MPHOSPH8: variants seen among roughly 807,000 people sequenced by gnomAD.
MPHOSPH8 encodes the protein M-phase phosphoprotein 8.
A neutral mutation model predicts 87.3 loss-of-function variants in MPHOSPH8; 45 were observed. The ratio of observed to expected loss-of-function variants is 0.52; its 90% confidence interval spans 0.41 to 0.66. MPHOSPH8 has a LOEUF of 0.66. MPHOSPH8 is among the 30% of genes least tolerant of loss of function. The pLI, the probability that MPHOSPH8 is intolerant of heterozygous loss-of-function variation, is 0.00. For missense variants in MPHOSPH8, 883 were observed against 1,020.2 expected (o/e 0.87, Z 1.83); for synonymous variants, 366 against 376.9 (o/e 0.97, Z 0.33).
chr13:19,634,033 A>C (rs1445841324), intron 1 of MPHOSPH8, 72 bp downstream of exon 1: 3 of 1,488,620 alleles, frequency 2.0e-6, no homozygotes, highest in Non-Finnish European at 2.8e-6. Flanking sequence ...CGAGCTGGAA[A>C]CAGCACGGGC....
intron 1 of MPHOSPH8, among the ~76,000 whole-genome samples, chr13:19,634,924 C>T (rs1873911594): frequency 6.6e-6 from 1 of 152,108 alleles, no homozygotes; most frequent in Non-Finnish European, 1.5e-5. Flanking sequence ...CAATTTTTTG[C>T]GCATTCATTC....
At chr13:19,668,653 T>C (rs893203543) in intron 11 of MPHOSPH8, 122 bp downstream of exon 11, 1 of 1,136,448 alleles carries the variant, frequency 8.8e-7, no homozygotes, top group African/African-American at 1.6e-5. Context: ...GTAATAATTC[T>C]GCAGACCGGT....
chr13:19,639,267 G>T (rs1483357995), intron 1 of MPHOSPH8, among the ~76,000 whole-genome samples: 1 of 151,598 alleles, frequency 6.6e-6, no homozygotes, highest in Non-Finnish European at 1.5e-5. Context: ...TGAGCAGGAG[G>T]ATTCTACAGT....
intron 4 of MPHOSPH8, 89 bp downstream of exon 4, chr13:19,648,610 A>C: frequency 1.8e-6 from 1 of 549,772 alleles, no homozygotes; most frequent in Non-Finnish European, 2.7e-6. Context: ...AAAAATTTAT[A>C]TAATTTTTTT....
chr13:19,659,568 G>A, intron 7 of MPHOSPH8: 1 of 385,762 alleles, frequency 2.6e-6, no homozygotes, highest in Non-Finnish European at 4.9e-6. Flanking sequence ...GGTGGCTGAG[G>A]TGACAGGATC....
Position 19,644,977 on chromosome 13 carries a change from T to A in MPHOSPH8, c.370-1466T>A, listed in dbSNP as rs530696708. Among the ~76,000 whole-genome samples the A allele has an allele frequency of 2.7e-4, 40 of 147,044 alleles. No homozygotes were observed. In the East Asian group the frequency reaches 3.5e-3, roughly 13 times the overall value. On this transcript the variant is annotated intron_variant, in intron 2 of 13. Coordinates refer to ENST00000361479, the MANE Select transcript of MPHOSPH8 (RefSeq NM_017520.4). ...GTCAACCTGGCTAATTAAAAAAAAA[T>A]TTTTTTTTAGATCTTTTGTTTCTGT...
In MPHOSPH8 at chr13:19,668,415, T is replaced by C. The variant is rs766418052; in HGVS notation, c.2213T>C (p.Phe738Ser). 1.9e-6 allele frequency: 3 copies of C among 1,614,048 alleles called. No individual in the cohort carries two copies. Among genetic ancestry groups the C allele is most frequent in the East Asian group, 4.5e-5 (2 of 44,892 alleles). The change falls in exon 11 of 14, where the codon TTT becomes TCT. Residue 738 changes from phenylalanine (F) to serine (S), a missense_variant. Transcript: ENST00000361479. The stretch of plus-strand genomic sequence containing the variant: ...GCAGAAGAGACAATAAAGGATTACT[T>C]TGAAGCTCGCCTTGCTCTGCTAGAA... ...RVAEETIKDY[F>S]EARLALLEPV...
chr13:19,653,567 G>C (rs1349135230), intron 5 of MPHOSPH8, among the ~76,000 whole-genome samples: 1 of 152,172 alleles, frequency 6.6e-6, no homozygotes, highest in Non-Finnish European at 1.5e-5. Context: ...TGAGTTTGAC[G>C]AATTGACAGA....
intron 7 of MPHOSPH8, 141 bp from the exon 8 acceptor site, chr13:19,661,557 A>G (rs1875528579): frequency 2.4e-6 from 2 of 820,160 alleles, no homozygotes; most frequent in Admixed American, 2.8e-5. Context: ...TGGTTGGGAT[A>G]TTTTAGTGAA....
chr13:19,659,869 T>A (rs949769658), intron 7 of MPHOSPH8, among the ~76,000 whole-genome samples: 9 of 152,116 alleles, frequency 5.9e-5, no homozygotes, highest in African/African-American at 2.2e-4. Flanking sequence ...CTGTGGTCAT[T>A]TGTGTTTCTT....
chr13:19,662,000 G>A (rs929539315), intron 8 of MPHOSPH8, among the ~76,000 whole-genome samples, 162 bp downstream of exon 8: 1 of 151,372 alleles, frequency 6.6e-6, no homozygotes, highest in African/African-American at 2.4e-5. Context: ...GGAGTGCAGT[G>A]GCACGATCTC....
At position 19,672,799 on chromosome 13, in the gene MPHOSPH8, G is replaced by A. The variant is rs1188723949; in HGVS notation, c.*924G>A. ...AGTACACTATGAGACCTAAAAGAGAGTATTAAATGTGAACTTTTAGCAGAG... is the reference window on the plus strand; with the variant it reads ...AGTACACTATGAGACCTAAAAGAGAATATTAAATGTGAACTTTTAGCAGAG... On this transcript the variant is annotated 3_prime_UTR_variant, in exon 14 of 14. Coordinates refer to ENST00000361479, the MANE Select transcript of MPHOSPH8 (RefSeq NM_017520.4). 3.7e-6 allele frequency: 1 copy of A among 273,238 alleles called. No individual in the cohort carries two copies. The highest frequency in any genetic ancestry group is 7.3e-6 in the Non-Finnish European group (1 of 137,240). 16.9% of individuals were successfully genotyped at this position (273,238 alleles called of 1,614,324 possible).
intron 2 of MPHOSPH8, among the ~76,000 whole-genome samples, 164 bp downstream of exon 2, chr13:19,642,434 G>T (rs1874347350): frequency 6.6e-6 from 1 of 152,062 alleles, no homozygotes. Flanking sequence ...AGTGATTTTT[G>T]CTGGGTTCTT....
intron 11 of MPHOSPH8, among the ~76,000 whole-genome samples, chr13:19,669,446 C>T (rs1875996183): frequency 6.6e-6 from 1 of 152,050 alleles, no homozygotes; most frequent in Non-Finnish European, 1.5e-5. Context: ...ACCTGAGCCC[C>T]CACTGACACC....
chr13:19,655,054 C>G (rs1350582759), intron 5 of MPHOSPH8, among the ~76,000 whole-genome samples: 1 of 152,140 alleles, frequency 6.6e-6, no homozygotes, highest in African/African-American at 2.4e-5. Flanking sequence ...TAAAAAAAAT[C>G]TCATGATCAC....
Position 19,646,670 on chromosome 13 carries a change from A to C in MPHOSPH8, c.597A>C (p.Thr199=). The stretch of plus-strand genomic sequence containing the variant: ...AAAGTTTAGTTTTTGATTTAAGGAC[A>C]AAGAAAAGAATTTCTGAAGCCAAAG... ...SLESLVFDLR[T]KKRISEAKEE... Residue 199 remains threonine, a synonymous_variant, in exon 3 of 14, where the codon ACA becomes ACC. Coordinates refer to ENST00000361479, the MANE Select transcript of MPHOSPH8 (RefSeq NM_017520.4). The C allele has an allele frequency of 6.3e-7, 1 of 1,595,038 alleles. No homozygotes were observed. The highest frequency in any genetic ancestry group is 8.5e-7 in the Non-Finnish European group (1 of 1,175,788).
rs549564980 is a variant in MPHOSPH8 at position 19,656,942 on chromosome 13, T to C, written c.1577-2053T>C. Among the ~76,000 whole-genome samples the C allele has an allele frequency of 2.3e-3, 345 of 151,144 alleles. 2 individuals carry two copies. The highest frequency in any genetic ancestry group is 7.9e-3 in the African/African-American group (327 of 41,134). ...TTCGAGGCCAGCCTGGCCAACATGG[T>C]GAAACCCCGTCTCTACTAAAAATAC... On this transcript the variant is annotated intron_variant, in intron 5 of 13. Transcript: ENST00000361479.
At chr13:19,651,751 C>G (rs1261982907) in intron 5 of MPHOSPH8, among the ~76,000 whole-genome samples, 3 of 151,900 alleles carry the variant, frequency 2.0e-5, no homozygotes, top group Non-Finnish European at 4.4e-5. Context: ...GGGAAAATTC[C>G]TTGGGAAAAA....
intron 5 of MPHOSPH8, among the ~76,000 whole-genome samples, chr13:19,652,300 C>T (rs1438356263): frequency 1.3e-5 from 2 of 152,124 alleles, no homozygotes; most frequent in Admixed American, 6.5e-5. Flanking sequence ...CAGGGTCGGG[C>T]GTTGCCTCAC....
Sources: allele counts gnomAD v4.1 joint callset (sites outside exome capture counted in the v4.1 genomes callset), GRCh38; gene constraint gnomAD v4.1.1; transcripts MANE v1.5; gene names NCBI Gene and HGNC (gene_info 2026-07-23, HGNC 2026-07-21).